The following SH3KBP1 variants were observed in gnomAD, a reference collection of about 807,000 sequenced individuals.
The protein encoded by SH3KBP1 is SH3 domain containing kinase binding protein 1.
A neutral mutation model predicts 50.1 loss-of-function variants in SH3KBP1; 8 were observed. The ratio of observed to expected loss-of-function variants is 0.16; its 90% CI spans 0.09 to 0.29. SH3KBP1 has a LOEUF of 0.29. Ranked by LOEUF, SH3KBP1 falls within the 10% of genes least tolerant of loss-of-function variation. SH3KBP1 has a pLI of 1.00. For missense variants in SH3KBP1, 377 were observed against 535.2 expected (o/e 0.70, Z 2.92); for synonymous variants, 227 against 218.6 (o/e 1.04, Z -0.34).
At chrX:19,724,425 G>T (rs1173321669) in intron 3 of SH3KBP1, among the ~76,000 whole-genome samples, 1 of 112,087 alleles carries the variant, frequency 8.9e-6, no homozygotes, top group Non-Finnish European at 1.9e-5. Context: ...TTTGCAAGAC[G>T]AAACTTCCCG....
At chrX:19,610,508 T>C (rs1166204259) in intron 8 of SH3KBP1, among the ~76,000 whole-genome samples, 1 of 112,409 alleles carries the variant, frequency 8.9e-6, no homozygotes, top group Non-Finnish European at 1.9e-5. Flanking sequence ...TTATCTTTTC[T>C]CTAATGCTCA....
At chrX:19,837,411 T>C (rs1261895617) in intron 1 of SH3KBP1, among the ~76,000 whole-genome samples, 1 of 110,851 alleles carries the variant, frequency 9.0e-6, no homozygotes, top group East Asian at 2.8e-4. Context: ...GCAATTCATT[T>C]AGACTGGACT....
chrX:19,827,780 T>TC (rs1229888163), intron 2 of SH3KBP1, among the ~76,000 whole-genome samples: 5 of 95,113 alleles, frequency 5.3e-5, no homozygotes, highest in Non-Finnish European at 1.0e-4. Context: ...AGAAGTGCAG[T>TC]CTTTTTTTTT....
chrX:19,577,891 C>T (rs994811090), intron 12 of SH3KBP1, among the ~76,000 whole-genome samples: 9 of 111,177 alleles, frequency 8.1e-5, no homozygotes, highest in Admixed American at 1.9e-4. Flanking sequence ...GCCGCCACCC[C>T]GTGCCCCAGA....
chrX:19,867,567 T>C (rs2068945324), intron 1 of SH3KBP1, among the ~76,000 whole-genome samples: 1 of 111,588 alleles, frequency 9.0e-6, no homozygotes, highest in African/African-American at 3.3e-5. Flanking sequence ...CAAGAATTTG[T>C]CAGCTCCAGG....
chrX:19,749,243 G>T (rs1458814654), intron 2 of SH3KBP1, among the ~76,000 whole-genome samples: 2 of 112,392 alleles, frequency 1.8e-5, no homozygotes, highest in Non-Finnish European at 3.8e-5. Context: ...TCCTTAGAAA[G>T]TTAAATATAG....
rs2065929740 is a variant in SH3KBP1, at chrX:19,569,090, T to C, written c.1384+13A>G. The C allele has an allele frequency of 8.4e-7, 1 of 1,196,443 alleles. No homozygotes were observed. Among genetic ancestry groups the C allele is most frequent in the Non-Finnish European group, 1.1e-6 (1 of 881,158 alleles). On this transcript the variant is annotated intron_variant, in intron 13 of 17. Transcript: ENST00000397821. Reference sequence around the variant, plus strand: ...ACTCTGCAAAGAGAAGCGAGAACACTGTCCTTACTCACCAATGTCATTGCT... The same window carrying C: ...ACTCTGCAAAGAGAAGCGAGAACACCGTCCTTACTCACCAATGTCATTGCT...
intron 4 of SH3KBP1, among the ~76,000 whole-genome samples, chrX:19,699,619 G>A (rs2063499927): frequency 8.9e-6 from 1 of 112,578 alleles, no homozygotes; most frequent in Admixed American, 9.4e-5. Context: ...GTTTGAGAAC[G>A]ATGGAATAAA....
intron 2 of SH3KBP1, among the ~76,000 whole-genome samples, chrX:19,800,804 A>G (rs1426053376): frequency 8.9e-6 from 1 of 112,046 alleles, no homozygotes; most frequent in Non-Finnish European, 1.9e-5. Flanking sequence ...ATCCGCTGTC[A>G]CTCAGCCAGG....
intron 2 of SH3KBP1, among the ~76,000 whole-genome samples, chrX:19,834,638 C>T (rs911630492): frequency 1.8e-5 from 2 of 111,912 alleles, no homozygotes; most frequent in African/African-American, 6.5e-5. Flanking sequence ...ATGACTTCTC[C>T]AAAAGGCATA....
At chrX:19,735,280 T>C (rs959628645) in intron 3 of SH3KBP1, among the ~76,000 whole-genome samples, 16 of 111,723 alleles carry the variant, frequency 1.4e-4, no homozygotes, top group East Asian at 2.8e-4. Flanking sequence ...TGATTTTCTA[T>C]AGTTTTTCGA....
chrX:19,541,897 C>T (rs372652751), intron 16 of SH3KBP1, 28 bp downstream of exon 16: 182 of 1,181,300 alleles, frequency 1.5e-4, no homozygotes, highest in South Asian at 2.7e-4. Flanking sequence ...ACCTGGGTGA[C>T]GGCCCCCAAG....
chrX:19,650,855 G>A (rs1012555564), intron 6 of SH3KBP1, among the ~76,000 whole-genome samples: 1 of 111,268 alleles, frequency 9.0e-6, no homozygotes, highest in Non-Finnish European at 1.9e-5. Flanking sequence ...GTGTGCTGAG[G>A]GGTGCCCAAC....
At chrX:19,836,546 A>G (rs985791622) in intron 1 of SH3KBP1, among the ~76,000 whole-genome samples, 6 of 111,803 alleles carry the variant, frequency 5.4e-5, no homozygotes, top group African/African-American at 1.6e-4. Context: ...GGGAAGCTGC[A>G]TGATGACAGC....
chrX:19,869,097 A>G (rs2068975021), intron 1 of SH3KBP1, among the ~76,000 whole-genome samples: 1 of 111,431 alleles, frequency 9.0e-6, no homozygotes, highest in Admixed American at 9.5e-5. Context: ...CAAGGCATGC[A>G]GTTGACCTCT....
chrX:19,769,075 ATTT>A (rs36059368), intron 2 of SH3KBP1, among the ~76,000 whole-genome samples: 7 of 81,144 alleles, frequency 8.6e-5, no homozygotes, highest in Admixed American at 1.4e-4. Flanking sequence ...CTGCGTTATA[ATTT>A]TTTTTTTTTT....
chrX:19,862,449 C>T (rs748076021), intron 1 of SH3KBP1, among the ~76,000 whole-genome samples: 1 of 111,529 alleles, frequency 9.0e-6, no homozygotes, highest in Non-Finnish European at 1.9e-5. Flanking sequence ...GGAATATTGT[C>T]CCCATAAATT....
rs2065931845 is a variant in SH3KBP1, at chrX:19,569,126, A to G, written c.1361T>C (p.Leu454Pro). 2 of 1,209,793 alleles carry G rather than the reference A, an allele frequency of 1.7e-6. No individual in the cohort carries two copies. The highest frequency in any genetic ancestry group is 3.5e-5 in the African/African-American group (2 of 57,391). Residue 454 changes from leucine to proline, a missense_variant, in exon 13 of 18, where the codon CTC becomes CCC. Leu to Pro is a moderately conservative substitution (Grantham distance 98). Around this residue, in one of 3 missense-constraint regions of SH3KBP1, gnomAD observed 257 missense variants for 374.2 expected, o/e 0.69. Transcript: ENST00000397821. ...SSLSGILDKD[L>P]SDRSNDIDLE... is the part of the protein sequence containing the mutation. ...ACCAATGTCATTGCTGCGGTCCGAG[A>G]GATCTTTGTCCAGGATGCCAGATAG...
chrX:19,883,784 C>T (rs189510374), intron 1 of SH3KBP1, among the ~76,000 whole-genome samples: 3 of 111,934 alleles, frequency 2.7e-5, no homozygotes. Flanking sequence ...ATCCCCCAAT[C>T]CTGGATAATG....
Sources: gnomAD v4.1 joint callset for allele counts (sites outside exome capture counted in the v4.1 genomes callset) on GRCh38, gnomAD v4.1.1 for gene constraint, gnomAD v4.1.1 regional missense constraint, MANE v1.5 for transcripts, NCBI Gene and HGNC (gene_info 2026-07-23, HGNC 2026-07-21) for gene names.